The following NKIRAS1 variants were observed in gnomAD, a reference collection of about 807,000 sequenced individuals.
NKIRAS1 encodes the protein NFKB inhibitor interacting Ras like 1.
A neutral mutation model predicts 19.8 loss-of-function variants in NKIRAS1; 16 were observed. The observed-to-expected ratio is 0.81, with a 90% CI of 0.55 to 1.23. NKIRAS1 has a LOEUF of 1.23. NKIRAS1 is among the 50% of genes most tolerant of loss of function. The probability of loss-of-function intolerance (pLI) is 0.00; values close to 1 mark genes in which losing one functional copy is unlikely to be tolerated. For missense variants in NKIRAS1, 184 were observed against 220.0 expected, an observed-to-expected ratio of 0.84 and a Z score of 1.04; for synonymous variants, 88 against 79.0, an observed-to-expected ratio of 1.11 and a Z score of -0.61.
chr3:23,941,079 A>G (rs989552187), intron 1 of NKIRAS1, among the ~76,000 whole-genome samples: 2 of 152,264 alleles, frequency 1.3e-5, no homozygotes, highest in African/African-American at 2.4e-5. Flanking sequence ...AAGTTTGAGA[A>G]CTGCTCATCT....
chr3:23,909,170 T>G (rs1205292998), intron 3 of NKIRAS1, among the ~76,000 whole-genome samples: 2 of 152,118 alleles, frequency 1.3e-5, no homozygotes, highest in Non-Finnish European at 2.9e-5. Context: ...CCACAATTGT[T>G]AAACATTATT....
intron 1 of NKIRAS1, among the ~76,000 whole-genome samples, chr3:23,913,854 T>C (rs927829747): frequency 6.6e-6 from 1 of 152,204 alleles, no homozygotes. Flanking sequence ...AAAGGCTCTG[T>C]AGTACATGGG....
rs944649969 is a variant in NKIRAS1 at position 23,891,463 on chromosome 3, T to C, written c.*1632A>G. On this transcript the variant is annotated 3_prime_UTR_variant, in exon 5 of 5. Transcript: ENST00000425478. ...GTTACCTATATTAGGATCTGTACTT[T>C]ACACAGCTGTAGATGAGGTATCCTA... 4 of 152,246 alleles carry C rather than the reference T, an allele frequency of 2.6e-5. No individual in the cohort carries two copies. Among genetic ancestry groups the C allele is most frequent in the South Asian group, 2.1e-4 (1 of 4,830 alleles). The allele number at this position is 152,246 out of a possible 1,614,324, so 9.4% of individuals were successfully genotyped here. A position where few individuals can be genotyped will look rare whatever the true frequency, so the allele number is the denominator to read the frequency against.
chr3:23,890,383 G>A lies in NKIRAS1; in HGVS notation c.*2712C>T. 1 of 722,810 alleles carries A rather than the reference G, an allele frequency of 1.4e-6. No individual in the cohort carries two copies. Among genetic ancestry groups the A allele is most frequent in the South Asian group, 2.2e-5 (1 of 44,676 alleles). 44.8% of individuals were successfully genotyped at this position (722,810 alleles called of 1,614,324 possible). On this transcript the variant is annotated 3_prime_UTR_variant, in exon 5 of 5. Coordinates refer to ENST00000425478, the MANE Select transcript of NKIRAS1 (RefSeq NM_020345.4). Reference sequence around the variant, plus strand: ...GGAAAAATATCCAGCATGGTGGAGTGGTGTTTCGAAGATGGGTTTGATCAC... The same window carrying A: ...GGAAAAATATCCAGCATGGTGGAGTAGTGTTTCGAAGATGGGTTTGATCAC...
chr3:23,894,109 A>C (rs1468732989), intron 4 of NKIRAS1, among the ~76,000 whole-genome samples: 1 of 152,204 alleles, frequency 6.6e-6, no homozygotes, highest in Admixed American at 6.5e-5. Flanking sequence ...ATGGGCCAAA[A>C]ACAAAAAAAG....
At chr3:23,900,651 A>AAG (rs1050746228) in intron 4 of NKIRAS1, among the ~76,000 whole-genome samples, 157 bp downstream of exon 4, 1 of 151,706 alleles carries the variant, frequency 6.6e-6, no homozygotes, top group Admixed American at 6.6e-5. Flanking sequence ...CAAAAAAAAA[A>AAG]AAAAAAGAAA....
chr3:23,914,502 T>G (rs80133277), intron 1 of NKIRAS1, among the ~76,000 whole-genome samples: 2 of 152,258 alleles, frequency 1.3e-5, no homozygotes, highest in African/African-American at 4.8e-5. Context: ...CATATATGAA[T>G]ATATTTACAT....
intron 1 of NKIRAS1, chr3:23,946,269 G>C: frequency 3.0e-6 from 3 of 985,490 alleles, no homozygotes; most frequent in Non-Finnish European, 3.6e-6. Flanking sequence ...CCCAAGGCGC[G>C]GACCCCGCGC....
chr3:23,946,173 C>T (rs1161095465), intron 1 of NKIRAS1: 4 of 985,132 alleles, frequency 4.1e-6, no homozygotes, highest in African/African-American at 1.7e-5. Context: ...CGTGCGCGCC[C>T]GCTGAGCCCC....
chr3:23,929,432 T>C (rs553768565), intron 1 of NKIRAS1, among the ~76,000 whole-genome samples: 1 of 152,226 alleles, frequency 6.6e-6, no homozygotes, highest in East Asian at 1.9e-4. Context: ...TGTTTATTTA[T>C]TTATTTATTT....
chr3:23,913,960 A>C (rs941999291), intron 1 of NKIRAS1, among the ~76,000 whole-genome samples: 1 of 152,238 alleles, frequency 6.6e-6, no homozygotes, highest in African/African-American at 2.4e-5. Context: ...AAAAAGCAGT[A>C]GTTACAGCTA....
At chr3:23,940,693 A>G (rs1404209345) in intron 1 of NKIRAS1, among the ~76,000 whole-genome samples, 4 of 149,882 alleles carry the variant, frequency 2.7e-5, no homozygotes, top group African/African-American at 9.7e-5. Flanking sequence ...TCGTTATAAC[A>G]AAATCATTTT....
At chr3:23,919,165 G>A (rs1159849491), upstream of NKIRAS1, 2 of 1,501,644 alleles carry the variant, frequency 1.3e-6, no homozygotes, top group African/African-American at 2.8e-5. Flanking sequence ...CAATGTGGGA[G>A]ATTGACCTTG....
chr3:23,921,578 T>G (rs972798104), upstream of NKIRAS1: 176 of 669,234 alleles, frequency 2.6e-4, no homozygotes, highest in Middle Eastern at 7.7e-4. Flanking sequence ...GAGTTTTTTT[T>G]TTTTTTTTTT....
chr3:23,934,518 T>C (rs190670205), intron 1 of NKIRAS1, among the ~76,000 whole-genome samples: 1 of 152,364 alleles, frequency 6.6e-6, no homozygotes, highest in Non-Finnish European at 1.5e-5. Context: ...ACTGCAAATG[T>C]GTTAAAAATT....
upstream of NKIRAS1, chr3:23,917,577 G>A: frequency 3.0e-6 from 1 of 328,626 alleles, no homozygotes; most frequent in Non-Finnish European, 5.6e-6. Flanking sequence ...GCCTGCCGCA[G>A]CCACCCGCCC....
rs1290281161 is a variant in NKIRAS1 at position 23,900,652 on chromosome 3, AAAAAAG to A, written c.336+150_336+155del. Reference sequence around the variant, plus strand: ...GCGAGACTCCGTCTCAAAAAAAAAAAAAAAAGAAAAAGAAAAAGAAAAGAAAAAAAT... The same window carrying A: ...GCGAGACTCCGTCTCAAAAAAAAAAAAAAAAGAAAAAGAAAAGAAAAAAAT... On this transcript the variant is annotated intron_variant, in intron 4 of 4. Coordinates refer to ENST00000425478, the MANE Select transcript of NKIRAS1 (RefSeq NM_020345.4). Among the ~76,000 whole-genome samples the A allele has an allele frequency of 5.3e-4, 81 of 151,504 alleles. 1 individual carries two copies. The highest frequency in any genetic ancestry group is 6.9e-4 in the Non-Finnish European group (47 of 67,884).
At chr3:23,945,225 CCGAGGGCGGGCGGAG>C (rs2125274892) in intron 1 of NKIRAS1, 1 of 150,118 alleles carries the variant, frequency 6.7e-6, no homozygotes, top group South Asian at 2.1e-4. Flanking sequence ...CAGCGGCCGG[CCGAGGGCGGGCGGAG>C]GGAGGGGGTG....
intron 1 of NKIRAS1, among the ~76,000 whole-genome samples, chr3:23,932,322 G>T (rs894357019): frequency 6.6e-6 from 1 of 152,028 alleles, no homozygotes; most frequent in African/African-American, 2.4e-5. Context: ...GATATACAGA[G>T]GTCCCTTACT....
Sources: allele counts gnomAD v4.1 joint callset (sites outside exome capture counted in the v4.1 genomes callset), GRCh38; gene constraint gnomAD v4.1.1; transcripts MANE v1.5; gene names NCBI Gene and HGNC (gene_info 2026-07-23, HGNC 2026-07-21).